The following CCNY variants were observed in gnomAD, a reference collection of about 807,000 sequenced individuals.
CCNY encodes the protein cyclin Y.
Under a neutral mutation model 42.8 loss-of-function variants are expected in CCNY, and 19 were observed. That is an observed-to-expected ratio of 0.44 (90% confidence interval 0.31 to 0.65). CCNY has a LOEUF of 0.65. Among genes scored for constraint, CCNY ranks in the 30% least tolerant of loss-of-function variants. The pLI is 0.07. For missense variants in CCNY, 370 were observed against 437.3 expected (o/e 0.85, Z 1.37); for synonymous variants, 165 against 162.7 (o/e 1.01, Z -0.11).
At chr10:35,501,439 C>T in intron 2 of CCNY, 62 bp from the exon 3 acceptor site, 1 of 1,440,560 alleles carries the variant, frequency 6.9e-7, no homozygotes, top group Non-Finnish European at 9.8e-7. Flanking sequence ...CAGTCCTCAT[C>T]CACCTGCCAG....
intron 8 of CCNY, among the ~76,000 whole-genome samples, chr10:35,562,155 C>T (rs2024933): frequency 6.6e-6 from 1 of 152,152 alleles, no homozygotes; most frequent in Non-Finnish European, 1.5e-5. Context: ...GCACTGTTCC[C>T]GTAAATGTCA....
intron 1 of CCNY, among the ~76,000 whole-genome samples, chr10:35,446,193 AG>A (rs1838786608): frequency 6.6e-6 from 1 of 152,224 alleles, no homozygotes; most frequent in Admixed American, 6.5e-5. Flanking sequence ...TCAACAGAAA[AG>A]GTGGAAGGAA....
At chr10:35,302,305 T>G (rs1210883438) in intron 3 of CCNY, among the ~76,000 whole-genome samples, 1 of 147,722 alleles carries the variant, frequency 6.8e-6, no homozygotes, top group East Asian at 2.0e-4. Context: ...TACTTTGACA[T>G]CTTAATTTTT....
chr10:35,412,650 C>T (rs996020791), intron 1 of CCNY, among the ~76,000 whole-genome samples: 4 of 148,746 alleles, frequency 2.7e-5, no homozygotes, highest in Non-Finnish European at 4.5e-5. Context: ...CAGAAGTTTG[C>T]GACCAGCCTA....
At chr10:35,355,142 G>C (rs1018019529) in intron 1 of CCNY, among the ~76,000 whole-genome samples, 18 of 152,186 alleles carry the variant, frequency 1.2e-4, no homozygotes, top group African/African-American at 3.4e-4. Context: ...GGACATGAGT[G>C]CAGGAGCCTT....
intron 1 of CCNY, among the ~76,000 whole-genome samples, chr10:35,411,798 C>A (rs1837912145): frequency 6.6e-6 from 1 of 152,188 alleles, no homozygotes; most frequent in Non-Finnish European, 1.5e-5. Context: ...TAGTGCAGTT[C>A]TAGCACCACA....
chr10:35,438,817 G>C (rs1392285188), intron 1 of CCNY, among the ~76,000 whole-genome samples: 3 of 152,158 alleles, frequency 2.0e-5, no homozygotes, highest in African/African-American at 7.2e-5. Flanking sequence ...TTTTCACTTA[G>C]AGAACTTTGT....
chr10:35,439,658 G>A (rs1006311868), intron 1 of CCNY, among the ~76,000 whole-genome samples: 8 of 150,362 alleles, frequency 5.3e-5, no homozygotes, highest in Non-Finnish European at 1.2e-4. Flanking sequence ...TGGCATGTAT[G>A]TTCTTCATTT....
intron 1 of CCNY, among the ~76,000 whole-genome samples, chr10:35,423,294 G>A (rs1025287324): frequency 3.9e-5 from 6 of 152,060 alleles, no homozygotes; most frequent in African/African-American, 1.4e-4. Flanking sequence ...GGGCAATGTG[G>A]CAAAACCCCG....
chr10:35,569,336 A>G lies in CCNY; in HGVS notation c.*166A>G. ...CGCCCATGCAGCAAGGCTTGGAGGAAGCGTCAGTGCCCTGGAGATCCCAGC... is the reference window on the plus strand; with the variant it reads ...CGCCCATGCAGCAAGGCTTGGAGGAGGCGTCAGTGCCCTGGAGATCCCAGC... On this transcript the variant is annotated 3_prime_UTR_variant, in exon 10 of 10. Coordinates refer to ENST00000374704, the MANE Select transcript of CCNY (RefSeq NM_145012.6). 1.6e-6 allele frequency: 1 copy of G among 610,900 alleles called. No individual in the cohort carries two copies. Among genetic ancestry groups the G allele is most frequent in the South Asian group, 1.9e-5 (1 of 52,168 alleles). The allele number at this position is 610,900 out of a possible 1,614,324, so 37.8% of individuals were successfully genotyped here.
At chr10:35,364,732 T>C (rs185269893) in intron 1 of CCNY, among the ~76,000 whole-genome samples, 22 of 152,344 alleles carry the variant, frequency 1.4e-4, no homozygotes, top group Admixed American at 7.2e-4. Context: ...AGTGTTTTTT[T>C]CAGAAGTTTG....
chr10:35,496,465 CT>C (rs1840005247), intron 2 of CCNY, among the ~76,000 whole-genome samples: 1 of 152,172 alleles, frequency 6.6e-6, no homozygotes, highest in Admixed American at 6.5e-5. Context: ...ATCTTAGGAC[CT>C]TTTTAGTACC....
intron 9 of CCNY, among the ~76,000 whole-genome samples, chr10:35,566,623 G>A (rs1244781912): frequency 1.3e-5 from 2 of 152,066 alleles, no homozygotes; most frequent in African/African-American, 4.8e-5. Context: ...GATTACAGAC[G>A]TGAGCCGCTG....
intron 1 of CCNY, among the ~76,000 whole-genome samples, chr10:35,474,487 C>A (rs1839461322): frequency 6.6e-6 from 1 of 152,128 alleles, no homozygotes; most frequent in Admixed American, 6.5e-5. Context: ...GGGTCCCTGA[C>A]CCCTGACCCC....
intron 1 of CCNY, among the ~76,000 whole-genome samples, chr10:35,444,847 T>C (rs922037646): frequency 2.6e-5 from 4 of 152,116 alleles, no homozygotes; most frequent in African/African-American, 7.2e-5. Context: ...GAGGTAGAGA[T>C]GCTAGGATAT....
At chr10:35,345,058 C>T (rs1031938283) in intron 1 of CCNY, among the ~76,000 whole-genome samples, 2 of 152,186 alleles carry the variant, frequency 1.3e-5, no homozygotes, top group African/African-American at 4.8e-5. Flanking sequence ...GTCTTTATAG[C>T]AGCATGATTT....
intron 1 of CCNY, among the ~76,000 whole-genome samples, chr10:35,410,168 A>G (rs1173328257): frequency 1.3e-5 from 2 of 152,050 alleles, no homozygotes; most frequent in Non-Finnish European, 2.9e-5. Flanking sequence ...GACTTTGAAC[A>G]GTGTCAAAGC....
chr10:35,252,582 A>G (rs2095712734), intron 3 of CCNY, among the ~76,000 whole-genome samples: 1 of 150,006 alleles, frequency 6.7e-6, no homozygotes, highest in Non-Finnish European at 1.5e-5. Context: ...AAAAAAAAAA[A>G]AAAAAAAAAA....
At chr10:35,412,196 G>T (rs1837920958) in intron 1 of CCNY, among the ~76,000 whole-genome samples, 1 of 152,236 alleles carries the variant, frequency 6.6e-6, no homozygotes, top group Admixed American at 6.5e-5. Context: ...TGACTAGGGG[G>T]CAGAGGGGGA....
Sources: gnomAD v4.1 joint callset for allele counts (sites outside exome capture counted in the v4.1 genomes callset) on GRCh38, gnomAD v4.1.1 for gene constraint, MANE v1.5 for transcripts, NCBI Gene and HGNC (gene_info 2026-07-23, HGNC 2026-07-21) for gene names.